CACNA1A: variants seen among roughly 807,000 people sequenced by gnomAD.
CACNA1A encodes voltage-dependent P/Q-type calcium channel subunit alpha-1A.
A neutral mutation model predicts 262.4 loss-of-function variants in CACNA1A; 57 were observed. That is an observed-to-expected ratio of 0.22 (90% CI 0.18 to 0.27). The LOEUF (loss-of-function observed/expected upper bound fraction) is 0.27, where lower values mean the gene tolerates loss of function less well. Ranked by LOEUF, CACNA1A falls within the 10% of genes least tolerant of loss-of-function variation. CACNA1A has a pLI of 1.00. For missense variants in CACNA1A, 2,526 were observed against 3,562.8 expected (o/e 0.71, Z 7.41); for synonymous variants, 1,431 against 1,419.3 (o/e 1.01, Z -0.18).
intron 1 of CACNA1A, among the ~76,000 whole-genome samples, chr19:13,467,118 A>G (rs1472620178): frequency 1.3e-5 from 2 of 152,084 alleles, no homozygotes. Context: ...GTAACCCAGG[A>G]GGGGAAGCAG....
chr19:13,413,930 AG>A (rs2060175106), intron 3 of CACNA1A, among the ~76,000 whole-genome samples: 1 of 150,572 alleles, frequency 6.6e-6, no homozygotes, highest in African/African-American at 2.5e-5. Flanking sequence ...AAAGAAAGAA[AG>A]AAAGAAAGAA....
intron 1 of CACNA1A, among the ~76,000 whole-genome samples, chr19:13,473,370 T>C (rs1978292714): frequency 6.6e-6 from 1 of 151,940 alleles, no homozygotes; most frequent in South Asian, 2.1e-4. Flanking sequence ...ATCAAGCCAA[T>C]GTATGCTAAC....
intron 3 of CACNA1A, among the ~76,000 whole-genome samples, chr19:13,450,074 G>A (rs1404082804): frequency 6.7e-6 from 1 of 148,372 alleles, no homozygotes; most frequent in African/African-American, 2.5e-5. Context: ...CTGGGAGGCA[G>A]AGGCTGCAGT....
At chr19:13,453,965 T>C (rs1038232964) in intron 2 of CACNA1A, among the ~76,000 whole-genome samples, 8 of 151,968 alleles carry the variant, frequency 5.3e-5, no homozygotes, top group African/African-American at 1.4e-4. Flanking sequence ...GACTGTGACA[T>C]TGTGAAATGT....
At chr19:13,441,731 G>A (rs1207674377) in intron 3 of CACNA1A, among the ~76,000 whole-genome samples, 1 of 151,352 alleles carries the variant, frequency 6.6e-6, no homozygotes, top group East Asian at 1.9e-4. Flanking sequence ...TTGGTCTCCC[G>A]GCTTCAAGCG....
At chr19:13,460,977 T>C (rs2061111295) in intron 1 of CACNA1A, among the ~76,000 whole-genome samples, 1 of 152,162 alleles carries the variant, frequency 6.6e-6, no homozygotes, top group African/African-American at 2.4e-5. Flanking sequence ...GGATTTTTTG[T>C]CTACTTTGTT....
intron 10 of CACNA1A, among the ~76,000 whole-genome samples, chr19:13,323,744 C>G (rs2058301720): frequency 6.6e-6 from 1 of 152,150 alleles, no homozygotes; most frequent in Admixed American, 6.5e-5. Flanking sequence ...CTGAACGCTT[C>G]CTTTGCTGTG....
intron 1 of CACNA1A, among the ~76,000 whole-genome samples, chr19:13,467,290 C>G (rs1370444058): frequency 2.6e-5 from 4 of 151,704 alleles, no homozygotes; most frequent in Non-Finnish European, 5.9e-5. Context: ...ACAACAAGCC[C>G]ATATTCTTTT....
Position 13,286,651 on chromosome 19 carries a change from G to T in CACNA1A, c.3405C>A (p.Gly1135=), listed in dbSNP as rs751649216. ...PNNPGNPSNP[G]PPKTPENSLI... is the part of the protein sequence containing the mutation. ...GGCTATTCTCGGGGGTCTTGGGGGG[G>T]CCGGGATTGGATGGGTTCCCCGGGT... The change falls in exon 20 of 47, where the codon GGC becomes GGA. Residue 1135 remains glycine, a synonymous_variant. Coordinates refer to ENST00000360228, the MANE Select transcript of CACNA1A (RefSeq NM_001127222.2). The T allele has an allele frequency of 1.3e-6, 2 of 1,531,468 alleles. No individual in the cohort carries two copies. Among genetic ancestry groups the T allele is most frequent in the Non-Finnish European group, 1.8e-6 (2 of 1,139,102 alleles). 94.9% of individuals were successfully genotyped at this position (1,531,468 alleles called of 1,614,324 possible). A position where few individuals can be genotyped will look rare whatever the true frequency, so the allele number is the denominator to read the frequency against.
intron 9 of CACNA1A, 25 bp downstream of exon 9, chr19:13,332,844 C>G: frequency 6.5e-7 from 1 of 1,543,080 alleles, no homozygotes; most frequent in Non-Finnish European, 9.0e-7. Context: ...GGGACCCACC[C>G]CTGAGGTGGG....
intron 17 of CACNA1A, among the ~76,000 whole-genome samples, chr19:13,302,072 C>A (rs1416128384): frequency 6.6e-6 from 1 of 152,202 alleles, no homozygotes; most frequent in African/African-American, 2.4e-5. Context: ...ATTCAAGCAA[C>A]TGGTACACAG....
chr19:13,442,840 C>T (rs908820459), intron 3 of CACNA1A, among the ~76,000 whole-genome samples: 1 of 152,194 alleles, frequency 6.6e-6, no homozygotes, highest in Non-Finnish European at 1.5e-5. Context: ...AAGGATCACC[C>T]TGACTTCCCA....
At chr19:13,301,622 C>A (rs779703720) in intron 17 of CACNA1A, among the ~76,000 whole-genome samples, 48 of 152,220 alleles carry the variant, frequency 3.2e-4, no homozygotes, top group Admixed American at 3.3e-4. Flanking sequence ...GACTTTAAAT[C>A]CTTCTTCAGC....
chr19:13,342,035 C>T (rs534544772), intron 6 of CACNA1A, among the ~76,000 whole-genome samples: 1 of 152,324 alleles, frequency 6.6e-6, no homozygotes, highest in Admixed American at 6.5e-5. Flanking sequence ...CCTGAACTCT[C>T]ATCTGCACCA....
rs894725509 is a variant in CACNA1A at position 13,236,898 on chromosome 19, T to TG, written c.4951-1169dup. Among the ~76,000 whole-genome samples the TG allele has an allele frequency of 8.3e-4, 126 of 151,158 alleles. No individual in the cohort carries two copies. Among genetic ancestry groups the TG allele is most frequent in the African/African-American group, 1.5e-3 (61 of 41,182 alleles). ...ATTGTGGGGCTTCAAGGGACCTTGGTGGGGGGGGTGGGACTCTCGAAGTCA... is the reference window on the plus strand; with the variant it reads ...ATTGTGGGGCTTCAAGGGACCTTGGTGGGGGGGGGTGGGACTCTCGAAGTCA... On this transcript the variant is annotated intron_variant, in intron 31 of 46. Coordinates refer to ENST00000360228, the MANE Select transcript of CACNA1A (RefSeq NM_001127222.2). The surrounding 1 kb of genome is among the most constrained non-coding windows in gnomAD (Gnocchi z 4.6).
intron 27 of CACNA1A, chr19:13,259,094 T>G (rs2056650547): frequency 1.3e-5 from 2 of 151,256 alleles, no homozygotes; most frequent in South Asian, 4.2e-4. Flanking sequence ...CCACCACAAG[T>G]GGCTCAAAAT....
intron 1 of CACNA1A, among the ~76,000 whole-genome samples, chr19:13,482,945 C>T (rs1486392697): frequency 2.0e-5 from 3 of 151,408 alleles, no homozygotes; most frequent in Non-Finnish European, 2.9e-5. Flanking sequence ...CTCTCTTCCT[C>T]CTTCTCTATT....
chr19:13,217,082 G>A (rs996107052), intron 38 of CACNA1A, among the ~76,000 whole-genome samples: 5 of 152,318 alleles, frequency 3.3e-5, no homozygotes, highest in African/African-American at 1.2e-4. Flanking sequence ...GCAGTGGTGA[G>A]TTGAGACTGC....
At chr19:13,210,218 G>A (rs930040414) in intron 44 of CACNA1A, among the ~76,000 whole-genome samples, 15 of 152,296 alleles carry the variant, frequency 9.8e-5, no homozygotes, top group African/African-American at 3.4e-4. Flanking sequence ...GCAGACGCCC[G>A]CCTCCCAGGG....
Sources: allele counts gnomAD v4.1 joint callset (sites outside exome capture counted in the v4.1 genomes callset), GRCh38; gene constraint gnomAD v4.1.1; non-coding constraint Gnocchi (gnomAD v3.1); transcripts MANE v1.5; gene names NCBI Gene and HGNC (gene_info 2026-07-23, HGNC 2026-07-21).